Variants in GULP1 observed in about 807,000 individuals in gnomAD.
GULP1 encodes the protein PTB domain-containing engulfment adapter protein 1.
A neutral mutation model predicts 40.9 loss-of-function variants in GULP1; 19 were observed. The observed-to-expected ratio is 0.46, with a 90% CI of 0.32 to 0.68. The LOEUF is 0.68. GULP1 is among the 30% of genes least tolerant of loss of function. GULP1 has a pLI of 0.03. For synonymous variants in GULP1, 119 were observed against 117.6 expected, an observed-to-expected ratio of 1.01 and a Z score of -0.08; for missense variants, 312 against 362.2, an observed-to-expected ratio of 0.86 and a Z score of 1.12.
At chr2:188,421,077 G>T (rs1001735298) in intron 2 of GULP1, among the ~76,000 whole-genome samples, 3 of 152,078 alleles carry the variant, frequency 2.0e-5, no homozygotes, top group East Asian at 1.9e-4. Context: ...GCAAGAAAAA[G>T]AAATAAAGGC....
At chr2:188,451,426 G>T (rs998614138) in intron 2 of GULP1, among the ~76,000 whole-genome samples, 3 of 152,148 alleles carry the variant, frequency 2.0e-5, no homozygotes, top group Admixed American at 1.3e-4. Flanking sequence ...CTCTTTAAAA[G>T]AAAGTTTTTA....
chr2:188,568,786 A>T (rs1698382037), intron 7 of GULP1, among the ~76,000 whole-genome samples: 1 of 152,174 alleles, frequency 6.6e-6, no homozygotes, highest in South Asian at 2.1e-4. Context: ...CATTCAAGTT[A>T]CCTGCTTAGG....
chr2:188,355,090 G>A (rs971975880), intron 1 of GULP1, among the ~76,000 whole-genome samples: 2 of 151,952 alleles, frequency 1.3e-5, no homozygotes, highest in Non-Finnish European at 2.9e-5. Context: ...CATCCAAAAA[G>A]TAGAAAGATT....
rs1170317572 is a variant in GULP1, at chr2:188,505,815, T to C, written c.91-16941T>C. On this transcript the variant is annotated intron_variant, in intron 4 of 11. Transcript: ENST00000409830. Reference sequence around the variant, plus strand: ...TTTATGATATATTTATTGAATGCTGTGCCTTGACCTTCATAAACTGCATCA... The same window carrying C: ...TTTATGATATATTTATTGAATGCTGCGCCTTGACCTTCATAAACTGCATCA... Among the ~76,000 whole-genome samples, 4 of 151,932 alleles carry C rather than the reference T, an allele frequency of 2.6e-5. No individual in the cohort carries two copies. The East Asian group carries it at 5.8e-4, about 22-fold the overall frequency.
At chr2:188,589,708 T>C in intron 11 of GULP1, 1 of 1,288,650 alleles carries the variant, frequency 7.8e-7, no homozygotes, top group African/African-American at 1.5e-5. Context: ...TTAATGTCTT[T>C]TTAAATTCTT....
At chr2:188,313,327 T>A (rs975508099) in intron 1 of GULP1, among the ~76,000 whole-genome samples, 3 of 152,152 alleles carry the variant, frequency 2.0e-5, no homozygotes, top group Non-Finnish European at 4.4e-5. Context: ...CAGTTTCAAT[T>A]TTCTGCATAT....
At chr2:188,416,945 A>G (rs2152744992) in intron 2 of GULP1, among the ~76,000 whole-genome samples, 1 of 152,320 alleles carries the variant, frequency 6.6e-6, no homozygotes, top group South Asian at 2.1e-4. Context: ...TTGAAAAAGT[A>G]TTGTATGTTC....
intron 6 of GULP1, among the ~76,000 whole-genome samples, chr2:188,530,851 A>G (rs1687354821): frequency 6.6e-6 from 1 of 152,240 alleles, no homozygotes; most frequent in South Asian, 2.1e-4. Flanking sequence ...ATATTAGTCA[A>G]TTTGGAAAAA....
chr2:188,569,301 A>G lies in GULP1; in HGVS notation c.462A>G (p.Glu154=), dbSNP rs571616062. 6.2e-7 allele frequency: 1 copy of G among 1,604,470 alleles called. No individual in the cohort carries two copies. The highest frequency in any genetic ancestry group is 1.3e-5 in the African/African-American group (1 of 74,852). ...AFDLAYRKFL[E]SGGKDVETRK... ...ACCTGGCATACAGGAAATTTCTAGA[A>G]TCAGGAGGAAAAGATGTTGAAACAA... Residue 154 remains glutamate, a synonymous_variant, in exon 8 of 12, where the codon GAA becomes GAG. Coordinates refer to ENST00000409830, the MANE Select transcript of GULP1 (RefSeq NM_016315.4).
chr2:188,473,685 C>T (rs1365153998), intron 2 of GULP1, among the ~76,000 whole-genome samples: 2 of 152,152 alleles, frequency 1.3e-5, no homozygotes, highest in Non-Finnish European at 2.9e-5. Flanking sequence ...GGACTCGCCT[C>T]TGGCCAAGGA....
chr2:188,545,958 C>T (rs1185863964), intron 7 of GULP1, among the ~76,000 whole-genome samples: 1 of 151,718 alleles, frequency 6.6e-6, no homozygotes, highest in Non-Finnish European at 1.5e-5. Context: ...ATAAAGTAGA[C>T]CTCAAGGCAA....
chr2:188,572,480 C>T (rs1348307989), intron 9 of GULP1, among the ~76,000 whole-genome samples: 2 of 152,092 alleles, frequency 1.3e-5, no homozygotes, highest in African/African-American at 2.4e-5. Context: ...CTTTAAATCA[C>T]GGTCTTACAC....
At chr2:188,410,153 T>G (rs1272919504) in intron 2 of GULP1, among the ~76,000 whole-genome samples, 1 of 152,040 alleles carries the variant, frequency 6.6e-6, no homozygotes, top group African/African-American at 2.4e-5. Context: ...TGGAGAAGAA[T>G]GAAATTAGAC....
rs186172564 is a variant in GULP1, at chr2:188,395,326, T to C, written c.-45+11437T>C. Among the ~76,000 whole-genome samples the C allele has an allele frequency of 3.3e-4, 51 of 152,352 alleles. 1 individual carries two copies. Among genetic ancestry groups the C allele is most frequent in the African/African-American group, 1.0e-3 (42 of 41,576 alleles). ...TCCAAGTAGAGTGGAATTCTAACAC[T>C]TGTGCAAGCACGAACCTGGCGTGCA... is the stretch of plus-strand genomic sequence containing the variant. On this transcript the variant is annotated intron_variant, in intron 2 of 11. Transcript: ENST00000409830.
chr2:188,570,528 G>A (rs890674285), intron 9 of GULP1, among the ~76,000 whole-genome samples: 2 of 152,098 alleles, frequency 1.3e-5, no homozygotes, highest in African/African-American at 2.4e-5. Context: ...GACTGAACCT[G>A]GTTTCTTATA....
chr2:188,563,556 CT>C (rs964887710), intron 7 of GULP1, among the ~76,000 whole-genome samples: 6 of 148,804 alleles, frequency 4.0e-5, no homozygotes, highest in Non-Finnish European at 9.0e-5. Context: ...TTTTTTTTAT[CT>C]TTTTTTTATA....
chr2:188,587,402 A>T (rs1229073129), intron 10 of GULP1, among the ~76,000 whole-genome samples: 3 of 152,114 alleles, frequency 2.0e-5, no homozygotes, highest in African/African-American at 7.2e-5. Context: ...GAGTACATGA[A>T]CTTTGAGTAG....
At chr2:188,376,275 C>T (rs1276201591) in intron 1 of GULP1, among the ~76,000 whole-genome samples, 1 of 152,180 alleles carries the variant, frequency 6.6e-6, no homozygotes, top group African/African-American at 2.4e-5. Flanking sequence ...ATTAAATACA[C>T]TTTTAAAAAC....
chr2:188,523,944 T>C (rs1044720799), intron 5 of GULP1, among the ~76,000 whole-genome samples: 5 of 152,244 alleles, frequency 3.3e-5, no homozygotes, highest in Non-Finnish European at 5.9e-5. Context: ...ATTAGCCAAC[T>C]ATTTATTTCC....
Sources: allele counts gnomAD v4.1 joint callset (sites outside exome capture counted in the v4.1 genomes callset), GRCh38; gene constraint gnomAD v4.1.1; transcripts MANE v1.5; gene names NCBI Gene and HGNC (gene_info 2026-07-23, HGNC 2026-07-21).